CYRIA: variants seen among roughly 807,000 people sequenced by gnomAD.
CYRIA encodes the protein CYFIP-related Rac1 interactor A.
A neutral mutation model predicts 43.9 loss-of-function variants in CYRIA; 15 were observed. The observed-to-expected ratio is 0.34, with a 90% CI of 0.23 to 0.53. The LOEUF is 0.53. CYRIA is among the 20% of genes least tolerant of loss of function. CYRIA has a pLI of 0.94. For missense variants in CYRIA, 236 were observed against 394.2 expected (o/e 0.60, Z 3.40); for synonymous variants, 117 against 136.0 (o/e 0.86, Z 0.97).
chr2:16,636,948 C>T (rs1669515490), intron 1 of CYRIA, among the ~76,000 whole-genome samples: 1 of 152,160 alleles, frequency 6.6e-6, no homozygotes, highest in African/African-American at 2.4e-5. Flanking sequence ...TGTACTCCAG[C>T]CTGGGTGACA....
At chr2:16,623,357 T>C (rs1315009582) in intron 2 of CYRIA, among the ~76,000 whole-genome samples, 1 of 152,158 alleles carries the variant, frequency 6.6e-6, no homozygotes, top group African/African-American at 2.4e-5. Context: ...GACATTGCGT[T>C]GGTGGTCAGG....
chr2:16,665,523 G>C (rs1238810272), intron 1 of CYRIA, among the ~76,000 whole-genome samples: 1 of 152,064 alleles, frequency 6.6e-6, no homozygotes, highest in Non-Finnish European at 1.5e-5. Flanking sequence ...ACACAATCAG[G>C]AGGCAGCCCT....
At chr2:16,645,810 T>A (rs559997386) in intron 1 of CYRIA, among the ~76,000 whole-genome samples, 1 of 152,306 alleles carries the variant, frequency 6.6e-6, no homozygotes, top group Admixed American at 6.5e-5. Context: ...ATTTATACTT[T>A]AATACATAGA....
intron 1 of CYRIA, among the ~76,000 whole-genome samples, chr2:16,647,568 C>T (rs1669853130): frequency 6.6e-6 from 1 of 152,162 alleles, no homozygotes; most frequent in African/African-American, 2.4e-5. Flanking sequence ...TGATCAAAAC[C>T]CATACTACAA....
chr2:16,638,380 C>T (rs79683248), intron 1 of CYRIA, among the ~76,000 whole-genome samples: 4 of 152,294 alleles, frequency 2.6e-5, no homozygotes, highest in African/African-American at 7.2e-5. Context: ...TGGTGGGCAC[C>T]GGACTCCACC....
intron 1 of CYRIA, among the ~76,000 whole-genome samples, chr2:16,648,512 A>G (rs1334059462): frequency 6.6e-6 from 1 of 152,208 alleles, no homozygotes; most frequent in Non-Finnish European, 1.5e-5. Context: ...CACGAGTTTC[A>G]TCAAAAGGGG....
chr2:16,642,441 T>C (rs1293510511), intron 1 of CYRIA, among the ~76,000 whole-genome samples: 1 of 152,258 alleles, frequency 6.6e-6, no homozygotes, highest in East Asian at 1.9e-4. Context: ...ACCTTGAAAA[T>C]ATATCCAGCG....
intron 1 of CYRIA, among the ~76,000 whole-genome samples, chr2:16,635,025 T>A (rs2103526782): frequency 6.6e-6 from 1 of 152,356 alleles, no homozygotes. Context: ...GCCAACTCAC[T>A]GTTTGACTTG....
At chr2:16,559,413 C>T (rs1414044321) in intron 10 of CYRIA, 47 bp downstream of exon 10, 2 of 1,591,512 alleles carry the variant, frequency 1.3e-6, no homozygotes, top group Admixed American at 1.7e-5. Flanking sequence ...GGTCTGGCAA[C>T]ATTCATGGGC....
At chr2:16,614,491 C>A (rs905374421) in intron 2 of CYRIA, among the ~76,000 whole-genome samples, 1 of 152,250 alleles carries the variant, frequency 6.6e-6, no homozygotes, top group African/African-American at 2.4e-5. Flanking sequence ...TCCCAGGCTG[C>A]TGTCTGTGGC....
chr2:16,653,192 G>A (rs563471984), intron 1 of CYRIA, among the ~76,000 whole-genome samples: 1 of 152,276 alleles, frequency 6.6e-6, no homozygotes, highest in Non-Finnish European at 1.5e-5. Context: ...AGTGCCAGGA[G>A]GGCCTTGAAA....
At chr2:16,592,480 G>A (rs972710316) in intron 2 of CYRIA, among the ~76,000 whole-genome samples, 1 of 152,060 alleles carries the variant, frequency 6.6e-6, no homozygotes, top group Admixed American at 6.6e-5. Context: ...TCTTAGAGGC[G>A]CAAGTCTTCC....
chr2:16,652,634 C>T (rs926326922), intron 1 of CYRIA, among the ~76,000 whole-genome samples: 6 of 152,182 alleles, frequency 3.9e-5, no homozygotes, highest in Admixed American at 2.0e-4. Flanking sequence ...CCACCCTCTG[C>T]GTCAGCAAAG....
chr2:16,570,954 TAA>T (rs1287927055), intron 3 of CYRIA, among the ~76,000 whole-genome samples: 3 of 152,114 alleles, frequency 2.0e-5, no homozygotes, highest in Admixed American at 6.5e-5. Context: ...TGTCTAACAA[TAA>T]AGCTATTAAA....
intron 2 of CYRIA, among the ~76,000 whole-genome samples, chr2:16,593,617 A>T (rs1668003162): frequency 6.6e-6 from 1 of 152,040 alleles, no homozygotes; most frequent in African/African-American, 2.4e-5. Context: ...AATGCTTTTA[A>T]AAATATGGAT....
chr2:16,566,462 C>T (rs1181665027), intron 3 of CYRIA, among the ~76,000 whole-genome samples: 1 of 152,280 alleles, frequency 6.6e-6, no homozygotes, highest in African/African-American at 2.4e-5. Flanking sequence ...CTTCAAACCA[C>T]GACAGAGGCA....
intron 3 of CYRIA, among the ~76,000 whole-genome samples, chr2:16,585,249 T>C (rs1240844495): frequency 6.6e-6 from 1 of 152,112 alleles, no homozygotes; most frequent in Non-Finnish European, 1.5e-5. Context: ...CCATGGAATG[T>C]CTTAGTTTGC....
intron 1 of CYRIA, among the ~76,000 whole-genome samples, chr2:16,624,698 T>C (rs2103512024): frequency 6.6e-6 from 1 of 152,256 alleles, no homozygotes; most frequent in African/African-American, 2.4e-5. Flanking sequence ...ATTGCAGGGT[T>C]TTTTTCCTGG....
intron 1 of CYRIA, among the ~76,000 whole-genome samples, chr2:16,643,058 A>G (rs1054764836): frequency 1.3e-5 from 2 of 149,954 alleles, no homozygotes; most frequent in East Asian, 3.9e-4. Flanking sequence ...TAAGATAAAT[A>G]CATTACTTTA....
Sources: allele counts gnomAD v4.1 joint callset (sites outside exome capture counted in the v4.1 genomes callset), GRCh38; gene constraint gnomAD v4.1.1; transcripts MANE v1.5; gene names NCBI Gene and HGNC (gene_info 2026-07-23, HGNC 2026-07-21).